BSPH1: variants seen among roughly 807,000 people sequenced by gnomAD.
BSPH1 encodes binder of sperm 1.
In BSPH1, 21 loss-of-function variants were observed where a neutral mutation model predicts 22.5. The ratio of observed to expected loss-of-function variants is 0.93; its 90% CI spans 0.66 to 1.35. The LOEUF (loss-of-function observed/expected upper bound fraction) is 1.35, where lower values mean the gene tolerates loss of function less well. Ranked by LOEUF, BSPH1 falls within the 40% of genes most tolerant of loss-of-function variation. BSPH1 has a pLI of 0.00. For synonymous variants in BSPH1, 42 were observed against 53.6 expected (o/e 0.78, Z 0.95); for missense variants, 141 against 154.2 (o/e 0.91, Z 0.45).
At chr19:47,980,284 G>A (rs1305711535) in intron 2 of BSPH1, 1 of 154,216 alleles carries the variant, frequency 6.5e-6, no homozygotes, top group Non-Finnish European at 1.4e-5. Flanking sequence ...CATTAATAAA[G>A]ATGAGTATAT....
intron 3 of BSPH1, chr19:47,977,728 G>T: frequency 1.0e-6 from 1 of 974,874 alleles, no homozygotes; most frequent in Non-Finnish European, 1.2e-6. Flanking sequence ...GTTATAAACA[G>T]TCTCAAAATT....
At chr19:47,991,479 T>C (rs555324538) in intron 1 of BSPH1, among the ~76,000 whole-genome samples, 280 of 92,614 alleles carry the variant, frequency 3.0e-3, no homozygotes, top group Middle Eastern at 6.4e-3. Flanking sequence ...TCCTCCTCCT[T>C]CTTCTTCTCT....
intron 1 of BSPH1, among the ~76,000 whole-genome samples, chr19:47,988,823 G>C (rs1041795634): frequency 6.6e-6 from 1 of 152,082 alleles, no homozygotes; most frequent in African/African-American, 2.4e-5. Context: ...CATCAAGTTG[G>C]AATAGTAATT....
chr19:47,973,090 G>A (rs924779565), intron 5 of BSPH1, among the ~76,000 whole-genome samples: 9 of 151,648 alleles, frequency 5.9e-5, no homozygotes, highest in Non-Finnish European at 8.8e-5. Context: ...GGTGGCGGGC[G>A]CCTGTAGTCC....
At position 47,992,131 on chromosome 19, in the gene BSPH1, C is replaced by T. The variant is rs1409021147; in HGVS notation, c.-50G>A. 4 of 1,476,918 alleles carry T rather than the reference C, an allele frequency of 2.7e-6. No homozygotes were observed. The highest frequency in any genetic ancestry group is 2.8e-5 in the African/African-American group (2 of 71,448). 91.5% of individuals were successfully genotyped at this position (1,476,918 alleles called of 1,614,324 possible). On this transcript the variant is annotated 5_prime_UTR_variant, in exon 1 of 6. Coordinates refer to ENST00000344839, the MANE Select transcript of BSPH1 (RefSeq NM_001128326.2). ...CTCAGATCTTCCTGGTCTTTGTCAG[C>T]CAGGGCTCAAGAATCCCCTGGAGAG...
chr19:47,982,958 G>C (rs545267035), intron 1 of BSPH1, among the ~76,000 whole-genome samples: 160 of 152,260 alleles, frequency 1.1e-3, no homozygotes, highest in African/African-American at 3.4e-3. Context: ...TGGAGGGAGG[G>C]AGGAATGGGG....
intron 3 of BSPH1, among the ~76,000 whole-genome samples, chr19:47,978,001 G>GATAT (rs10609973): frequency 0.16 from 17,788 of 109,966 alleles, 1,719 homozygotes; most frequent in Admixed American, 0.22. Context: ...GTTAATACAG[G>GATAT]ATATATATAT....
chr19:47,974,269 C>CTCTCTCT lies in BSPH1; in HGVS notation c.*2+2440_*2+2441insAGAGAGA, dbSNP rs57733472. ...CCACAGCCACTTTCTCTCTCTCTCTCTTTTTTTTTTTTTTTTTTGAGATGG... is the reference window on the plus strand; with the variant it reads ...CCACAGCCACTTTCTCTCTCTCTCTCTCTCTCTTTTTTTTTTTTTTTTTTTGAGATGG... On this transcript the variant is annotated intron_variant, in intron 5 of 5. Coordinates refer to ENST00000344839, the MANE Select transcript of BSPH1 (RefSeq NM_001128326.2). 5.1e-3 allele frequency among the ~76,000 whole-genome samples: 384 copies of CTCTCTCT among 75,976 alleles called. 7 individuals are homozygous for CTCTCTCT. Among genetic ancestry groups the CTCTCTCT allele is most frequent in the African/African-American group, 0.019 (357 of 18,508 alleles). 49.8% of individuals were successfully genotyped at this position (75,976 alleles called of 152,430 possible).
At chr19:47,976,995 TCACA>T (rs771839858) in intron 4 of BSPH1, 141 bp from the exon 5 acceptor site, 1 of 783,516 alleles carries the variant, frequency 1.3e-6, no homozygotes, top group South Asian at 1.8e-5. Flanking sequence ...ACATGCACAC[TCACA>T]CAGACATACA....
intron 2 of BSPH1, among the ~76,000 whole-genome samples, chr19:47,979,848 C>CT (rs201732313): frequency 2.1e-3 from 322 of 151,816 alleles, no homozygotes; most frequent in African/African-American, 7.1e-3. Flanking sequence ...TTCCAAAGTG[C>CT]TTTTTTTTGG....
At chr19:47,968,779 G>T (rs1224545554) in intron 5 of BSPH1, among the ~76,000 whole-genome samples, 1 of 149,784 alleles carries the variant, frequency 6.7e-6, no homozygotes, top group African/African-American at 2.5e-5. Flanking sequence ...TGGGCGGATT[G>T]TCTGAGCTCA....
intron 5 of BSPH1, among the ~76,000 whole-genome samples, chr19:47,975,843 G>C (rs938366656): frequency 7.9e-5 from 12 of 151,848 alleles, no homozygotes; most frequent in Non-Finnish European, 1.8e-4. Flanking sequence ...TTTTAGAAGA[G>C]ACGGGGTTTC....
intron 5 of BSPH1, among the ~76,000 whole-genome samples, chr19:47,969,684 G>GGGGAGAGAGAGAGAGAGAGA (rs1162877914): frequency 1.8e-5 from 2 of 113,856 alleles, no homozygotes; most frequent in Non-Finnish European, 3.3e-5. Context: ...AGGGAGAGGG[G>GGGGAGAGAGAGAGAGAGAGA]GAGAGAGAGA....
In BSPH1 at chr19:47,976,789, C is replaced by T; in HGVS notation, c.322G>A (p.Gly108Arg). The change falls in exon 5 of 6, where the codon GGG becomes AGG. Residue 108 changes from glycine to arginine, a missense_variant. Coordinates refer to ENST00000344839, the MANE Select transcript of BSPH1 (RefSeq NM_001128326.2). ...CACCATTTTTTCCCAAATGCTTCCC[C>T]ATCATCAGTACACTCCCAGTAGATC... ...RLIYWECTDDGEAFGKKWCSL... is the reference protein window; with the variant it reads ...RLIYWECTDDREAFGKKWCSL... 3 of 1,551,656 alleles carry T rather than the reference C, an allele frequency of 1.9e-6. No individual in the cohort carries two copies. The highest frequency in any genetic ancestry group is 1.2e-5 in the South Asian group (1 of 84,050).
At position 47,977,361 on chromosome 19, in the gene BSPH1, C is replaced by G; in HGVS notation, c.256+12G>C. 6.5e-7 allele frequency: 1 copy of G among 1,549,240 alleles called. No individual in the cohort carries two copies. Among genetic ancestry groups the G allele is most frequent in the Non-Finnish European group, 8.7e-7 (1 of 1,144,588 alleles). ...ATTACTGCTCTGAGGTATTTAGAGACAGGACACTCACCTTCTGCACTGCAA... is the reference window on the plus strand; with the variant it reads ...ATTACTGCTCTGAGGTATTTAGAGAGAGGACACTCACCTTCTGCACTGCAA... On this transcript the variant is annotated intron_variant, in intron 4 of 5. Coordinates refer to ENST00000344839, the MANE Select transcript of BSPH1 (RefSeq NM_001128326.2).
intron 5 of BSPH1, among the ~76,000 whole-genome samples, chr19:47,970,016 TGAGA>T (rs922654439): frequency 2.7e-5 from 4 of 150,294 alleles, no homozygotes; most frequent in South Asian, 4.2e-4. Context: ...TGTGTGTGTG[TGAGA>T]GAGAGAGAGA....
At chr19:47,980,033 T>A (rs911763881) in intron 2 of BSPH1, among the ~76,000 whole-genome samples, 1 of 152,168 alleles carries the variant, frequency 6.6e-6, no homozygotes, top group Admixed American at 6.5e-5. Flanking sequence ...AGGTATACAA[T>A]CATAAAATAA....
chr19:47,990,755 T>C (rs2122271038), intron 1 of BSPH1, among the ~76,000 whole-genome samples: 1 of 152,306 alleles, frequency 6.6e-6, no homozygotes, highest in African/African-American at 2.4e-5. Flanking sequence ...GATGCATCCA[T>C]AGTGAATTCC....
intron 4 of BSPH1, among the ~76,000 whole-genome samples, 171 bp downstream of exon 4, chr19:47,977,202 C>A (rs548603014): frequency 1.3e-5 from 2 of 152,348 alleles, no homozygotes; most frequent in East Asian, 3.9e-4. Flanking sequence ...ATGCTCATAA[C>A]ATATCTATGG....
Sources: gnomAD v4.1 joint callset for allele counts (sites outside exome capture counted in the v4.1 genomes callset) on GRCh38, gnomAD v4.1.1 for gene constraint, MANE v1.5 for transcripts, NCBI Gene and HGNC (gene_info 2026-07-23, HGNC 2026-07-21) for gene names.